The following BCCIP variants were observed in gnomAD, a reference collection of about 807,000 sequenced individuals.
BCCIP encodes the protein BRCA2 and CDKN1A-interacting protein.
BCCIP carries 23 observed loss-of-function variants against 32.8 expected under a neutral mutation model. The ratio of observed to expected loss-of-function variants is 0.70; its 90% CI spans 0.51 to 0.99. The LOEUF is 0.99. Among genes scored for constraint, BCCIP ranks in the 50% least tolerant of loss-of-function variants. The pLI, the probability that BCCIP is intolerant of heterozygous loss-of-function variation, is 0.00. For missense variants in BCCIP, 378 were observed against 379.8 expected, an observed-to-expected ratio of 1.00 and a Z score of 0.04; for synonymous variants, 144 against 137.6, an observed-to-expected ratio of 1.05 and a Z score of -0.33.
intron 2 of BCCIP, 105 bp from the exon 3 acceptor site, chr10:125,827,453 A>G (rs547657903): frequency 7.6e-5 from 57 of 747,010 alleles, no homozygotes; most frequent in Non-Finnish European, 1.2e-4. Flanking sequence ...CTAGATCATC[A>G]TCTTAAGTCA....
At chr10:125,848,183 A>G (rs1944048659) in intron 7 of BCCIP, among the ~76,000 whole-genome samples, 1 of 152,152 alleles carries the variant, frequency 6.6e-6, no homozygotes, top group Admixed American at 6.5e-5. Flanking sequence ...GAATGAAGAG[A>G]TGGTGTAGAC....
rs763765334 is a variant in BCCIP at position 125,852,523 on chromosome 10, A to G, written c.851-602A>G. On this transcript the variant is annotated intron_variant, in intron 7 of 7. Transcript: ENST00000368759. ...CATACAAGAATTGACAACATTTAGT[A>G]TTTGTGTCCACAGCACTACCTGAAG... 23 of 1,612,988 alleles carry G rather than the reference A, an allele frequency of 1.4e-5. No individual in the cohort carries two copies. In the Admixed American group the frequency reaches 2.7e-4, roughly 19 times the overall value.
At chr10:125,825,550 T>G (rs995399324) in intron 1 of BCCIP, 10 of 152,190 alleles carry the variant, frequency 6.6e-5, no homozygotes, top group African/African-American at 1.2e-4. Context: ...GAGTTCAAAT[T>G]GGAGCTGGAA....
chr10:125,838,332 A>G (rs1274501522), downstream of BCCIP: 26 of 1,613,766 alleles, frequency 1.6e-5, no homozygotes, highest in Non-Finnish European at 2.1e-5. Flanking sequence ...CAGCTGAGCA[A>G]CCTGCTTATG....
downstream of BCCIP, chr10:125,839,080 G>A (rs763427615): frequency 6.2e-7 from 1 of 1,614,150 alleles, no homozygotes; most frequent in Admixed American, 1.7e-5. Context: ...TTCTGCATAG[G>A]GAAGCTCGAT....
chr10:125,830,618 T>C lies in BCCIP; in HGVS notation c.378T>C (p.Gly126=). The C allele has an allele frequency of 2.5e-6, 4 of 1,609,386 alleles. No individual in the cohort carries two copies. The highest frequency in any genetic ancestry group is 3.4e-6 in the Non-Finnish European group (4 of 1,177,348). The change falls in exon 4 of 7, where the codon GGT becomes GGC. Residue 126 remains glycine, a synonymous_variant. Coordinates refer to ENST00000278100, the MANE Select transcript of BCCIP (RefSeq NM_078468.3). ...NDDMDEDEVF[G]FISLLNLTER... is the part of the protein sequence containing the mutation. The stretch of plus-strand genomic sequence containing the variant: ...ATATGGATGAAGATGAGGTTTTTGG[T>C]TTCATAAGCCTTTTAAATTTAACTG...
Position 125,853,094 on chromosome 10 carries a change from C to T in BCCIP, c.851-31C>T, listed in dbSNP as rs138618962. Reference sequence around the variant, plus strand: ...ATCATAACAGCTAATACAGAAACTGCGTATGGCACTAACAATGATTTTCCT... The same window carrying T: ...ATCATAACAGCTAATACAGAAACTGTGTATGGCACTAACAATGATTTTCCT... On this transcript the variant is annotated intron_variant, in intron 7 of 7. Transcript: ENST00000368759. The T allele has an allele frequency of 2.4e-3, 3,541 of 1,471,156 alleles. 6 individuals carry two copies. The highest frequency in any genetic ancestry group is 2.9e-3 in the Non-Finnish European group (3,091 of 1,063,264). The allele number at this position is 1,471,156 out of a possible 1,614,324, so 91.1% of individuals were successfully genotyped here.
At chr10:125,844,581 A>C (rs1353780685), downstream of BCCIP, among the ~76,000 whole-genome samples, 1 of 152,234 alleles carries the variant, frequency 6.6e-6, no homozygotes. Flanking sequence ...AACATTAATA[A>C]ATAACTAAAT....
At chr10:125,851,109 C>T (rs560665501) in intron 7 of BCCIP, among the ~76,000 whole-genome samples, 45 of 152,338 alleles carry the variant, frequency 3.0e-4, no homozygotes, top group Admixed American at 8.5e-4. Context: ...ATGCCAAATT[C>T]ATTTTCACAT....
chr10:125,834,493 C>T (rs1213306985), intron 6 of BCCIP, among the ~76,000 whole-genome samples: 2 of 152,014 alleles, frequency 1.3e-5, no homozygotes, highest in African/African-American at 4.8e-5. Context: ...TATTCTTACC[C>T]TCTCTTCCTC....
downstream of BCCIP, chr10:125,840,720 A>G: frequency 9.3e-7 from 1 of 1,073,986 alleles, no homozygotes; most frequent in South Asian, 2.1e-5. Flanking sequence ...TTAGGGCCTC[A>G]AGTGCCATTG....
downstream of BCCIP, among the ~76,000 whole-genome samples, chr10:125,846,920 G>A (rs1944029151): frequency 6.6e-6 from 1 of 152,172 alleles, no homozygotes; most frequent in African/African-American, 2.4e-5. Context: ...TCATTAACTA[G>A]TACCCATCGC....
exon 7 of BCCIP, chr10:125,842,733 G>C: frequency 1.4e-6 from 1 of 719,890 alleles, no homozygotes; most frequent in Non-Finnish European, 1.7e-6. Context: ...AACTGACCTG[G>C]ATCTCAGATG....
chr10:125,839,296 AAGG>A (rs1417626236), downstream of BCCIP: 4 of 1,143,124 alleles, frequency 3.5e-6, no homozygotes, highest in Admixed American at 2.4e-5. Flanking sequence ...CTCTCCTACA[AAGG>A]AGGCCACGTA....
At chr10:125,841,420 A>T (rs17153665), downstream of BCCIP, 32,421 of 1,589,222 alleles carry the variant, frequency 0.02, 397 homozygotes, top group Non-Finnish European at 0.025. Context: ...GGCACACAAC[A>T]TTATTTGGGG....
intron 2 of BCCIP, among the ~76,000 whole-genome samples, chr10:125,827,007 A>G (rs1392481804): frequency 6.6e-6 from 1 of 151,764 alleles, no homozygotes; most frequent in Non-Finnish European, 1.5e-5. Context: ...AAAAAAAAAG[A>G]AAATTCAGGT....
chr10:125,837,739 A>G (rs1286517163), downstream of BCCIP, among the ~76,000 whole-genome samples: 1 of 152,070 alleles, frequency 6.6e-6, no homozygotes, highest in Non-Finnish European at 1.5e-5. Flanking sequence ...AGAAGATGCT[A>G]CTCTTGCTTA....
chr10:125,845,509 G>A (rs1480282404), downstream of BCCIP, among the ~76,000 whole-genome samples: 2 of 152,196 alleles, frequency 1.3e-5, no homozygotes, highest in East Asian at 3.9e-4. Flanking sequence ...TGTCTAAAGT[G>A]GACATGTATT....
chr10:125,839,168 G>A (rs767200461), downstream of BCCIP: 36 of 1,614,020 alleles, frequency 2.2e-5, no homozygotes, highest in Admixed American at 8.3e-5. Context: ...AAGTAATCAC[G>A]ACACCACTTT....
Sources: allele counts gnomAD v4.1 joint callset (sites outside exome capture counted in the v4.1 genomes callset), GRCh38; gene constraint gnomAD v4.1.1; transcripts MANE v1.5; gene names NCBI Gene and HGNC (gene_info 2026-07-23, HGNC 2026-07-21).